BICD1: variants seen among roughly 807,000 people sequenced by gnomAD.
BICD1 encodes the protein BICD cargo adaptor 1.
Under a neutral mutation model 92.5 loss-of-function variants are expected in BICD1, and 35 were observed. That is an observed-to-expected ratio of 0.38 (90% confidence interval 0.29 to 0.50). The LOEUF (loss-of-function observed/expected upper bound fraction) is 0.50, where lower values mean the gene tolerates loss of function less well. Ranked by LOEUF, BICD1 falls within the 20% of genes least tolerant of loss-of-function variation. The pLI is 0.93. For synonymous variants in BICD1, 429 were observed against 465.1 expected (o/e 0.92, Z 1.00); for missense variants, 950 against 1,189.8 (o/e 0.80, Z 2.97).
intron 8 of BICD1, among the ~76,000 whole-genome samples, chr12:32,348,723 A>AAAAAATATATATAT (rs1938731695): frequency 8.5e-6 from 1 of 117,964 alleles, no homozygotes. Flanking sequence ...CTCACACAAA[A>AAAAAATATATATAT]ATATATATAT....
intron 3 of BICD1, 110 bp from the exon 4 acceptor site, chr12:32,305,587 A>T: frequency 1.1e-6 from 1 of 910,482 alleles, no homozygotes; most frequent in Non-Finnish European, 1.6e-6. Flanking sequence ...TTTATTTTTT[A>T]GACTCATGTT....
chr12:32,279,230 G>C (rs1451253983), intron 2 of BICD1, among the ~76,000 whole-genome samples: 1 of 152,160 alleles, frequency 6.6e-6, no homozygotes, highest in African/African-American at 2.4e-5. Context: ...GCATTACAGG[G>C]TCAGGGCAGT....
intron 1 of BICD1, among the ~76,000 whole-genome samples, chr12:32,109,938 T>TATACTATA (rs1418199214): frequency 5.5e-4 from 84 of 152,290 alleles, no homozygotes; most frequent in African/African-American, 2.0e-3. Context: ...GTTTTGCTCA[T>TATACTATA]CAGGTATGTA....
At chr12:32,226,656 G>C (rs1945705275) in intron 2 of BICD1, among the ~76,000 whole-genome samples, 1 of 152,162 alleles carries the variant, frequency 6.6e-6, no homozygotes, top group South Asian at 2.1e-4. Flanking sequence ...CCAGGACCCA[G>C]GCTTCAGCGA....
At chr12:32,285,164 G>C (rs1445428231) in intron 2 of BICD1, among the ~76,000 whole-genome samples, 1 of 152,062 alleles carries the variant, frequency 6.6e-6, no homozygotes, top group Non-Finnish European at 1.5e-5. Flanking sequence ...TTCCTTCAAG[G>C]TTCTACCCAA....
rs747943737 is a variant in BICD1 at position 32,117,711 on chromosome 12, TAC to T, written c.213+10191_213+10192del. Among the ~76,000 whole-genome samples the T allele has an allele frequency of 5.7e-3, 671 of 117,000 alleles. 7 individuals are homozygous for T. The highest frequency in any genetic ancestry group is 0.018 in the African/African-American group (548 of 30,450). The allele number at this position is 117,000 out of a possible 152,430, so 76.8% of individuals were successfully genotyped here. Reference sequence around the variant, plus strand: ...ATATATATATATACACAAATATATATACACACACACACACACACACACACATA... The same window carrying T: ...ATATATATATATACACAAATATATATACACACACACACACACACACACATA... On this transcript the variant is annotated intron_variant, in intron 1 of 9. Transcript: ENST00000652176.
chr12:32,331,198 C>G (rs935003074), intron 5 of BICD1, among the ~76,000 whole-genome samples: 3 of 151,688 alleles, frequency 2.0e-5, no homozygotes, highest in Non-Finnish European at 4.4e-5. Flanking sequence ...CTTGGCCAAC[C>G]AACAGAGACT....
intron 2 of BICD1, among the ~76,000 whole-genome samples, chr12:32,226,898 G>T (rs901716777): frequency 3.3e-5 from 5 of 152,254 alleles, no homozygotes; most frequent in Non-Finnish European, 4.4e-5. Context: ...TGGGGCTGGA[G>T]CCTGGCGGGG....
Position 32,294,130 on chromosome 12 carries a change from C to G in BICD1, c.563C>G (p.Thr188Arg). Residue 188 changes from threonine (T) to arginine (R), a missense_variant, in exon 3 of 10, where the codon ACG (threonine) becomes AGG (arginine). This residue lies in a region of BICD1 where 14 missense variants were observed against 40.0 expected (regional missense o/e 0.35). Transcript: ENST00000652176. ...ENITLQKLVS[T>R]LKQNQVEYEG... ...ATCACATTGCAGAAACTAGTGTCCA[C>G]GTTGAAGCAGAACCAGGTAAGGTTT... 6.2e-7 allele frequency: 1 copy of G among 1,601,022 alleles called. No homozygotes were observed. The highest frequency in any genetic ancestry group is 8.5e-7 in the Non-Finnish European group (1 of 1,176,798).
intron 3 of BICD1, among the ~76,000 whole-genome samples, chr12:32,301,044 C>A (rs1203191888): frequency 6.6e-6 from 1 of 152,110 alleles, no homozygotes; most frequent in African/African-American, 2.4e-5. Flanking sequence ...TTTCTTATAA[C>A]CACACTGAGG....
chr12:32,139,590 G>T (rs555971823), intron 1 of BICD1, among the ~76,000 whole-genome samples: 1 of 152,332 alleles, frequency 6.6e-6, no homozygotes, highest in South Asian at 2.1e-4. Context: ...TTGAGACGGA[G>T]TCTCGCTCTG....
intron 8 of BICD1, among the ~76,000 whole-genome samples, chr12:32,351,150 T>C (rs991455877): frequency 3.0e-5 from 4 of 135,298 alleles, no homozygotes; most frequent in African/African-American, 1.2e-4. Context: ...ATTGTTACTC[T>C]TAAAATAATT....
chr12:32,304,760 A>G (rs112725600), intron 3 of BICD1, among the ~76,000 whole-genome samples: 159 of 152,308 alleles, frequency 1.0e-3, no homozygotes, highest in African/African-American at 3.7e-3. Flanking sequence ...GCTCACACAT[A>G]TAATCCTAGC....
chr12:32,216,464 A>G lies in BICD1; in HGVS notation c.426+5A>G. The G allele has an allele frequency of 6.2e-7, 1 of 1,613,440 alleles. No individual in the cohort carries two copies. Among genetic ancestry groups the G allele is most frequent in the Non-Finnish European group, 8.5e-7 (1 of 1,179,626 alleles). ...GTCGTGCAGGATCTGAAGGAGGTAA[A>G]TAAACAAATTCCCTATGAGAGATTT... On this transcript the variant is annotated splice_donor_5th_base_variant and intron_variant, in intron 2 of 9. Transcript: ENST00000652176.
intron 6 of BICD1, among the ~76,000 whole-genome samples, chr12:32,336,610 A>C (rs1938136938): frequency 6.6e-6 from 1 of 152,242 alleles, no homozygotes; most frequent in Non-Finnish European, 1.5e-5. Flanking sequence ...TTTTCTTTAT[A>C]AACATTATTA....
chr12:32,144,985 T>C (rs896161795), intron 1 of BICD1, among the ~76,000 whole-genome samples: 2 of 152,106 alleles, frequency 1.3e-5, no homozygotes, highest in African/African-American at 4.8e-5. Flanking sequence ...TAGGAAGGAG[T>C]TGGTTCTTTT....
At chr12:32,201,010 T>C (rs1289890421) in intron 1 of BICD1, among the ~76,000 whole-genome samples, 2 of 152,238 alleles carry the variant, frequency 1.3e-5, no homozygotes, top group Non-Finnish European at 2.9e-5. Flanking sequence ...CGAGGTCATG[T>C]TGGTAACTCC....
At chr12:32,346,358 A>G (rs1938566173) in intron 8 of BICD1, among the ~76,000 whole-genome samples, 1 of 148,982 alleles carries the variant, frequency 6.7e-6, no homozygotes, top group Admixed American at 6.7e-5. Flanking sequence ...CTCTACAAAA[A>G]CTACAAAAAT....
chr12:32,141,963 T>C (rs912594157), intron 1 of BICD1, among the ~76,000 whole-genome samples: 8 of 152,172 alleles, frequency 5.3e-5, no homozygotes, highest in African/African-American at 1.9e-4. Context: ...GGCTCAACCA[T>C]AGTCTATTTT....
Sources: gnomAD v4.1 joint callset for allele counts (sites outside exome capture counted in the v4.1 genomes callset) on GRCh38, gnomAD v4.1.1 for gene constraint, gnomAD v4.1.1 regional missense constraint, MANE v1.5 for transcripts, NCBI Gene and HGNC (gene_info 2026-07-23, HGNC 2026-07-21) for gene names.